Variants in INPP5A observed in about 807,000 individuals in gnomAD.
The protein encoded by INPP5A is 43 kDa inositol polyphosphate 5-phophatase.
A neutral mutation model predicts 65.2 loss-of-function variants in INPP5A; 14 were observed. The observed-to-expected ratio is 0.21, with a 90% CI of 0.14 to 0.34. The LOEUF is 0.34. Among genes scored for constraint, INPP5A ranks in the 10% least tolerant of loss-of-function variants. The probability of loss-of-function intolerance (pLI) is 1.00; values close to 1 mark genes in which losing one functional copy is unlikely to be tolerated. For synonymous variants in INPP5A, 207 were observed against 208.3 expected (o/e 0.99, Z 0.05); for missense variants, 431 against 545.6 (o/e 0.79, Z 2.09).
chr10:132,628,360 A>C (rs1173444396), intron 2 of INPP5A, among the ~76,000 whole-genome samples: 1 of 139,714 alleles, frequency 7.2e-6, no homozygotes, highest in South Asian at 2.3e-4. Flanking sequence ...AGTGAATTCC[A>C]CCGGGCCGGC....
chr10:132,782,339 T>A lies in INPP5A; in HGVS notation c.*310T>A. 1 of 333,310 alleles carries A rather than the reference T, an allele frequency of 3.0e-6. No homozygotes were observed. The highest frequency in any genetic ancestry group is 2.4e-5 in the South Asian group (1 of 41,458). 20.6% of individuals were successfully genotyped at this position (333,310 alleles called of 1,614,324 possible). On this transcript the variant is annotated 3_prime_UTR_variant, in exon 16 of 16. Transcript: ENST00000368594. The surrounding 1 kb of genome is among the most constrained non-coding windows in gnomAD (Gnocchi z 4.4). The stretch of plus-strand genomic sequence containing the variant: ...AGGGTCTGTACCGTAGACTTCACAG[T>A]TTTCAGTTTTTAATGATTGCCAGTG...
At chr10:132,711,035 C>G (rs190598911) in intron 8 of INPP5A, among the ~76,000 whole-genome samples, 1 of 152,330 alleles carries the variant, frequency 6.6e-6, no homozygotes, top group Non-Finnish European at 1.5e-5. Context: ...AAGGCTGGAG[C>G]TGCACCCTCA....
chr10:132,778,466 C>G (rs1204452409), intron 13 of INPP5A, among the ~76,000 whole-genome samples: 4 of 151,940 alleles, frequency 2.6e-5, no homozygotes, highest in African/African-American at 9.7e-5. Context: ...CCGGTCAATC[C>G]TGTGATTTTT....
intron 4 of INPP5A, among the ~76,000 whole-genome samples, chr10:132,670,255 C>T (rs1196930033): frequency 9.9e-6 from 1 of 100,670 alleles, no homozygotes; most frequent in Admixed American, 9.8e-5. Flanking sequence ...CACCCCCTGA[C>T]CCCACACCCC....
intron 11 of INPP5A, among the ~76,000 whole-genome samples, chr10:132,751,629 G>A (rs928883857): frequency 6.7e-6 from 1 of 150,086 alleles, no homozygotes; most frequent in Admixed American, 6.6e-5. Context: ...TGCCCAGGAG[G>A]TGTCTTCGTG....
intron 4 of INPP5A, among the ~76,000 whole-genome samples, chr10:132,685,881 G>A (rs892511157): frequency 1.7e-4 from 26 of 152,236 alleles, no homozygotes; most frequent in Non-Finnish European, 2.5e-4. Flanking sequence ...TAAGTGACAC[G>A]GTGTGGCCAT....
Position 132,674,276 on chromosome 10 carries a change from G to A in INPP5A, c.307-16116G>A, listed in dbSNP as rs1008204474. Among the ~76,000 whole-genome samples, 1 of 152,134 alleles carries A rather than the reference G, an allele frequency of 6.6e-6. No individual in the cohort carries two copies. Among genetic ancestry groups the A allele is most frequent in the African/African-American group, 2.4e-5 (1 of 41,400 alleles). On this transcript the variant is annotated intron_variant, in intron 4 of 15. Transcript: ENST00000368594. This position sits in a 1 kb window ranked among gnomAD's most constrained non-coding sequence, Gnocchi z 4.4. Reference sequence around the variant, plus strand: ...CCATCCAGCCAAACCATTGGCTACGGCCCATGAATCAGTATATAATCACAC... The same window carrying A: ...CCATCCAGCCAAACCATTGGCTACGACCCATGAATCAGTATATAATCACAC...
At chr10:132,755,208 GGT>G (rs1451324541) in intron 11 of INPP5A, among the ~76,000 whole-genome samples, 2 of 151,128 alleles carry the variant, frequency 1.3e-5, no homozygotes, top group African/African-American at 4.9e-5. Context: ...CACATGAGCG[GGT>G]GTGTGCATGT....
chr10:132,669,414 T>A (rs2072853002), intron 4 of INPP5A, among the ~76,000 whole-genome samples: 1 of 152,124 alleles, frequency 6.6e-6, no homozygotes, highest in Admixed American at 6.5e-5. Context: ...GCTCCTATTC[T>A]TAACCTCAAG....
chr10:132,628,463 C>CGGGGGGGGGGGGGGGGGGGGGG (rs55668291), intron 2 of INPP5A, among the ~76,000 whole-genome samples: 1 of 23,314 alleles, frequency 4.3e-5, no homozygotes, highest in Admixed American at 4.2e-4. Flanking sequence ...GCTCTGGTGG[C>CGGGGGGGGGGGGGGGGGGGGGG]GGGGGGGGGG....
Position 132,734,480 on chromosome 10 carries a change from G to A in INPP5A, c.732+7575G>A, listed in dbSNP as rs111319508. On this transcript the variant is annotated intron_variant, in intron 9 of 15. Transcript: ENST00000368594. Reference sequence around the variant, plus strand: ...GGCCTGGGCAGAGTGCGGATTCGCAGCGTTTCCAGCTGCTCAGCTGAGCAG... The same window carrying A: ...GGCCTGGGCAGAGTGCGGATTCGCAACGTTTCCAGCTGCTCAGCTGAGCAG... Among the ~76,000 whole-genome samples the A allele has an allele frequency of 6.9e-3, 1,051 of 152,370 alleles. 9 individuals carry two copies. Among genetic ancestry groups the A allele is most frequent in the African/African-American group, 0.024 (1,009 of 41,588 alleles).
In INPP5A at chr10:132,549,400, T is replaced by C. The variant is rs1051823715; in HGVS notation, c.75+11229T>C. Among the ~76,000 whole-genome samples the C allele has an allele frequency of 6.6e-6, 1 of 152,240 alleles. No individual in the cohort carries two copies. Among genetic ancestry groups the C allele is most frequent in the Non-Finnish European group, 1.5e-5 (1 of 68,040 alleles). ...TTGGTGGCATTTGTCTTTTTAATTA[T>C]GGCTGTGTGGTGGCATCTTGCGGTT... On this transcript the variant is annotated intron_variant, in intron 1 of 15. Transcript: ENST00000368594. The surrounding 1 kb of genome is among the most constrained non-coding windows in gnomAD (Gnocchi z 4.9).
intron 9 of INPP5A, among the ~76,000 whole-genome samples, chr10:132,744,665 C>CT (rs781560737): frequency 2.2e-4 from 34 of 152,196 alleles, no homozygotes; most frequent in Non-Finnish European, 4.7e-4. Flanking sequence ...GCAACGTTGG[C>CT]TTTGTGGTTC....
chr10:132,684,515 G>T (rs534001086), intron 4 of INPP5A, among the ~76,000 whole-genome samples: 163 of 152,338 alleles, frequency 1.1e-3, no homozygotes, highest in African/African-American at 3.7e-3. Flanking sequence ...TCTCTTGGGT[G>T]CAAAGCAGCC....
rs1184414124 is a variant in INPP5A at position 132,762,909 on chromosome 10, A to G, written c.904-2864A>G. Among the ~76,000 whole-genome samples the G allele has an allele frequency of 6.6e-6, 1 of 152,126 alleles. No individual in the cohort carries two copies. The highest frequency in any genetic ancestry group is 2.4e-5 in the African/African-American group (1 of 41,418). ...GAGGCTGAGGCAGGAGAATCACTTG[A>G]GCCCAGGAGGCAGAGGTTGCAGTGA... On this transcript the variant is annotated intron_variant, in intron 11 of 15. Transcript: ENST00000368594. This position sits in a 1 kb window ranked among gnomAD's most constrained non-coding sequence, Gnocchi z 4.6.
intron 2 of INPP5A, among the ~76,000 whole-genome samples, chr10:132,622,356 A>G (rs1282388128): frequency 7.0e-6 from 1 of 143,040 alleles, no homozygotes; most frequent in African/African-American, 2.7e-5. Context: ...ACGTGTTAGA[A>G]CTTGAGAAAT....
intron 9 of INPP5A, among the ~76,000 whole-genome samples, chr10:132,737,410 TCTGCTG>T (rs1564991704): frequency 2.0e-5 from 3 of 147,824 alleles, no homozygotes; most frequent in African/African-American, 5.3e-5. Flanking sequence ...AGCCCCGTCC[TCTGCTG>T]CCGTGGGTTA....
intron 9 of INPP5A, among the ~76,000 whole-genome samples, chr10:132,736,464 C>T (rs958538699): frequency 6.6e-6 from 1 of 152,340 alleles, no homozygotes; most frequent in East Asian, 1.9e-4. Flanking sequence ...GGGGAATGGC[C>T]GTTGGGGGCG....
chr10:132,763,970 C>T (rs142688535), intron 11 of INPP5A, among the ~76,000 whole-genome samples: 22 of 152,390 alleles, frequency 1.4e-4, no homozygotes, highest in Middle Eastern at 3.4e-3. Context: ...ATCCGTCTCC[C>T]GAGGCCTCCG....
Sources: gnomAD v4.1 joint callset for allele counts (sites outside exome capture counted in the v4.1 genomes callset) on GRCh38, gnomAD v4.1.1 for gene constraint, Gnocchi (gnomAD v3.1) non-coding constraint, MANE v1.5 for transcripts, NCBI Gene and HGNC (gene_info 2026-07-23, HGNC 2026-07-21) for gene names.